The following TMEM182 variants were observed in gnomAD, a reference collection of about 807,000 sequenced individuals.
TMEM182 encodes the protein transmembrane protein 182.
In TMEM182, 20 loss-of-function variants were observed where a neutral mutation model predicts 26.8. That is an observed-to-expected ratio of 0.75 (90% CI 0.53 to 1.09). The LOEUF is 1.09. Ranked by LOEUF, TMEM182 falls within the 50% of genes least tolerant of loss-of-function variation. The pLI is 0.00. For synonymous variants in TMEM182, 109 were observed against 102.2 expected (o/e 1.07, Z -0.40); for missense variants, 277 against 275.5 (o/e 1.01, Z -0.04).
rs563353753 is a variant in TMEM182, at chr2:102,828,093, A to G, written c.326-15319A>G. On this transcript the variant is annotated intron_variant, in intron 3 of 3. Transcript: ENST00000486293. ...GCAACAGAGACTCCATCTCATAAAT[A>G]CATAAATATATAAATAAATAAAAAG... is the stretch of plus-strand genomic sequence containing the variant. Among the ~76,000 whole-genome samples the G allele has an allele frequency of 5.3e-5, 8 of 152,250 alleles. No individual in the cohort carries two copies. In the South Asian group the frequency reaches 1.7e-3, roughly 32 times the overall value.
At chr2:102,795,761 C>T (rs1041377875) in intron 3 of TMEM182, among the ~76,000 whole-genome samples, 5 of 152,148 alleles carry the variant, frequency 3.3e-5, no homozygotes, top group East Asian at 1.9e-4. Flanking sequence ...ATTTTCTTTA[C>T]ACCCTCTGGC....
chr2:102,763,464 A>T (rs1182653291), intron 2 of TMEM182, among the ~76,000 whole-genome samples: 1 of 152,206 alleles, frequency 6.6e-6, no homozygotes, highest in African/African-American at 2.4e-5. Context: ...ATCAAAAATC[A>T]AAGTATGGTA....
chr2:102,751,148 C>T (rs999341959), intron 1 of TMEM182, among the ~76,000 whole-genome samples: 12 of 151,920 alleles, frequency 7.9e-5, no homozygotes, highest in East Asian at 1.9e-4. Context: ...GTTTAATAGG[C>T]GCAAGAAAGA....
chr2:102,775,956 A>G (rs1680898057), intron 3 of TMEM182, among the ~76,000 whole-genome samples: 1 of 152,170 alleles, frequency 6.6e-6, no homozygotes, highest in Admixed American at 6.5e-5. Flanking sequence ...ATTGTAAATA[A>G]TATTATATTT....
rs565654317 is a variant in TMEM182 at position 102,770,497 on chromosome 2, C to T, written c.331+6070C>T. 8.5e-5 allele frequency among the ~76,000 whole-genome samples: 13 copies of T among 152,326 alleles called. No homozygotes were observed. In the South Asian group the frequency reaches 2.5e-3, roughly 29 times the overall value. ...ACTCTGTCCTCTTTACCCTGCAATG[C>T]ACTTCCTCCCTCAGGGATCCCATTC... On this transcript the variant is annotated intron_variant, in intron 3 of 4. Transcript: ENST00000412401.
chr2:102,809,331 A>G (rs986021334), intron 4 of TMEM182, among the ~76,000 whole-genome samples: 1 of 152,200 alleles, frequency 6.6e-6, no homozygotes, highest in Non-Finnish European at 1.5e-5. Context: ...TTCAAAAATT[A>G]CAGTAAATAC....
At chr2:102,753,279 A>AT (rs1289530849) in intron 1 of TMEM182, among the ~76,000 whole-genome samples, 2 of 152,168 alleles carry the variant, frequency 1.3e-5, no homozygotes, top group Non-Finnish European at 2.9e-5. Context: ...CTACATAGCA[A>AT]ACCCTTTTGC....
intron 3 of TMEM182, among the ~76,000 whole-genome samples, chr2:102,777,537 G>T (rs1477929499): frequency 6.6e-6 from 1 of 151,844 alleles, no homozygotes; most frequent in Non-Finnish European, 1.5e-5. Flanking sequence ...TGTTATTCTA[G>T]CTTGATAGTA....
At chr2:102,756,970 G>A (rs1376338653) in intron 1 of TMEM182, among the ~76,000 whole-genome samples, 1 of 151,968 alleles carries the variant, frequency 6.6e-6, no homozygotes, top group Non-Finnish European at 1.5e-5. Flanking sequence ...CTGCTACCAC[G>A]CCTGCTAATT....
intron 1 of TMEM182, among the ~76,000 whole-genome samples, chr2:102,743,427 A>G (rs1679598985): frequency 6.6e-6 from 1 of 152,088 alleles, no homozygotes; most frequent in South Asian, 2.1e-4. Flanking sequence ...GAGCTCAGGA[A>G]TGGGAGGCAC....
intron 3 of TMEM182, among the ~76,000 whole-genome samples, chr2:102,765,738 A>G (rs933827860): frequency 6.6e-6 from 1 of 152,202 alleles, no homozygotes; most frequent in South Asian, 2.1e-4. Context: ...ATAGGGAAAG[A>G]GGTGAGCTGA....
At chr2:102,778,769 A>G (rs1681036981) in intron 3 of TMEM182, among the ~76,000 whole-genome samples, 1 of 152,026 alleles carries the variant, frequency 6.6e-6, no homozygotes, top group Non-Finnish European at 1.5e-5. Flanking sequence ...TACCTTCTTT[A>G]TGTTCCTTTA....
chr2:102,747,250 G>C lies in TMEM182; in HGVS notation c.-83+10237G>C, dbSNP rs142567986. Among the ~76,000 whole-genome samples the C allele has an allele frequency of 2.6e-5, 4 of 152,186 alleles. No individual in the cohort carries two copies. In the East Asian group the frequency reaches 7.7e-4, roughly 29 times the overall value. On this transcript the variant is annotated intron_variant, in intron 1 of 5. Coordinates refer to the TMEM182 transcript ENST00000409173. ...GGAGATGAGTCCTTCCTTTCTGCTG[G>C]TCCTTCCTTTCTGCTGGTTCTTCAG... is the stretch of plus-strand genomic sequence containing the variant.
chr2:102,817,492 T>A lies in TMEM182; in HGVS notation c.*2524T>A. The A allele has an allele frequency of 1.0e-6, 1 of 985,274 alleles. No individual in the cohort carries two copies. The highest frequency in any genetic ancestry group is 1.2e-6 in the Non-Finnish European group (1 of 829,894). The allele number at this position is 985,274 out of a possible 1,614,324, so 61.0% of individuals were successfully genotyped here. On this transcript the variant is annotated 3_prime_UTR_variant, in exon 5 of 5. Transcript: ENST00000412401. ...TGGATGATTGCACATACATTGGAAT[T>A]GGCTGGAGAGACTACACAGAGAAGT...
chr2:102,822,530 G>A (rs1357826081), downstream of TMEM182, among the ~76,000 whole-genome samples: 1 of 152,112 alleles, frequency 6.6e-6, no homozygotes. Context: ...GTATAGGGGC[G>A]GGAATGGAAG....
At chr2:102,812,367 CTCTT>C (rs1186934623) in intron 4 of TMEM182, among the ~76,000 whole-genome samples, 9 of 144,946 alleles carry the variant, frequency 6.2e-5, no homozygotes, top group Admixed American at 1.5e-4. Flanking sequence ...CTCTCTCTCT[CTCTT>C]TGTCTACACA....
At chr2:102,786,497 G>A (rs1681402767) in intron 3 of TMEM182, among the ~76,000 whole-genome samples, 1 of 152,164 alleles carries the variant, frequency 6.6e-6, no homozygotes, top group South Asian at 2.1e-4. Flanking sequence ...ACAGGTGTGA[G>A]CCACCGCGTC....
upstream of TMEM182, chr2:102,761,989 C>T (rs554822795): frequency 7.5e-5 from 31 of 410,992 alleles, no homozygotes; most frequent in South Asian, 7.7e-4. Context: ...CAATTCTCAG[C>T]TGCTGGGCTG....
rs570204255 is a variant in TMEM182, at chr2:102,795,497, T to C, written c.332-2366T>C. Among the ~76,000 whole-genome samples the C allele has an allele frequency of 1.5e-3, 223 of 152,332 alleles. 1 individual carries two copies. Among genetic ancestry groups the C allele is most frequent in the South Asian group, 8.9e-3 (43 of 4,828 alleles). ...CAACCCAATCTGTCCCTTTCTTCTG[T>C]GGTGGCAGTTTCAATTTTAATTCAT... On this transcript the variant is annotated intron_variant, in intron 3 of 4. Transcript: ENST00000412401.
Sources: gnomAD v4.1 joint callset for allele counts (sites outside exome capture counted in the v4.1 genomes callset) on GRCh38, gnomAD v4.1.1 for gene constraint, MANE v1.5 for transcripts, NCBI Gene and HGNC (gene_info 2026-07-23, HGNC 2026-07-21) for gene names.